The following GRID2 variants were observed in gnomAD, a reference collection of about 807,000 sequenced individuals.
GRID2 encodes glutamate ionotropic receptor delta type subunit 2, also known as glutamate receptor ionotropic, delta-2.
GRID2 carries 33 observed loss-of-function variants against 114.8 expected under a neutral mutation model. The ratio of observed to expected loss-of-function variants is 0.29; its 90% CI spans 0.22 to 0.38. GRID2 has a LOEUF of 0.38. Ranked by LOEUF, GRID2 falls within the 10% of genes least tolerant of loss-of-function variation. The pLI is 1.00. For missense variants in GRID2, 1,184 were observed against 1,257.7 expected, an observed-to-expected ratio of 0.94 and a Z score of 0.89; for synonymous variants, 505 against 449.9, an observed-to-expected ratio of 1.12 and a Z score of -1.55.
intron 2 of GRID2, among the ~76,000 whole-genome samples, chr4:92,952,835 T>G (rs1213178842): frequency 6.6e-6 from 1 of 152,190 alleles, no homozygotes; most frequent in Non-Finnish European, 1.5e-5. Context: ...ATATCACAAA[T>G]GGAGTGGCTT....
intron 4 of GRID2, among the ~76,000 whole-genome samples, chr4:93,142,490 C>G (rs2149387605): frequency 6.6e-6 from 1 of 152,218 alleles, no homozygotes; most frequent in East Asian, 1.9e-4. Flanking sequence ...AAGTACACTA[C>G]ACCAAATAAT....
intron 14 of GRID2, among the ~76,000 whole-genome samples, chr4:93,656,853 A>C (rs1465476369): frequency 6.7e-6 from 1 of 148,242 alleles, no homozygotes; most frequent in Non-Finnish European, 1.5e-5. Context: ...AAAAAAAAAA[A>C]AAAACAAATA....
chr4:92,478,752 C>A (rs1351356794), intron 1 of GRID2, among the ~76,000 whole-genome samples: 1 of 151,920 alleles, frequency 6.6e-6, no homozygotes, highest in African/African-American at 2.4e-5. Context: ...TATGGTTTTC[C>A]ATCTTGTTTC....
chr4:93,650,649 A>C (rs949287666), intron 14 of GRID2, among the ~76,000 whole-genome samples: 4 of 152,148 alleles, frequency 2.6e-5, no homozygotes, highest in African/African-American at 9.7e-5. Context: ...TGCTTTTTAG[A>C]TTCCTTACAC....
chr4:93,436,000 T>G (rs888606533), intron 10 of GRID2, among the ~76,000 whole-genome samples: 4 of 80,126 alleles, frequency 5.0e-5, no homozygotes, highest in African/African-American at 2.4e-4. Context: ...CCTTCCCCAT[T>G]TCTTAAAAAA....
Position 93,271,534 on chromosome 4 carries a change from A to T in GRID2, c.1245+33044A>T, listed in dbSNP as rs575020893. Among the ~76,000 whole-genome samples, 20 of 152,302 alleles carry T rather than the reference A, an allele frequency of 1.3e-4. No individual in the cohort carries two copies. In the East Asian group the frequency reaches 3.9e-3, roughly 29 times the overall value. On this transcript the variant is annotated intron_variant, in intron 8 of 15. Coordinates refer to ENST00000282020, the MANE Select transcript of GRID2 (RefSeq NM_001510.4). ...CAGCTGTAGATTTCCCACCTGCAAA[A>T]GGCCCAGATTAGAGGAGGGTAGAAG...
At chr4:93,294,281 T>C (rs1381437989) in intron 8 of GRID2, among the ~76,000 whole-genome samples, 1 of 151,860 alleles carries the variant, frequency 6.6e-6, no homozygotes, top group Non-Finnish European at 1.5e-5. Flanking sequence ...AAATCAGCAG[T>C]GGAGGTGATC....
chr4:93,144,856 G>A (rs1009591350), intron 4 of GRID2, among the ~76,000 whole-genome samples: 1 of 152,080 alleles, frequency 6.6e-6, no homozygotes, highest in Non-Finnish European at 1.5e-5. Flanking sequence ...CCCATAAAAA[G>A]CAACATTAAT....
At chr4:92,889,022 T>C (rs1746563434) in intron 2 of GRID2, among the ~76,000 whole-genome samples, 1 of 152,144 alleles carries the variant, frequency 6.6e-6, no homozygotes. Context: ...GAAACTGTTG[T>C]TGTTGTACTG....
intron 1 of GRID2, among the ~76,000 whole-genome samples, chr4:92,334,734 A>G (rs1727076848): frequency 6.6e-6 from 1 of 152,220 alleles, no homozygotes; most frequent in African/African-American, 2.4e-5. Flanking sequence ...TAAGATTCCA[A>G]CACATAAATT....
intron 2 of GRID2, among the ~76,000 whole-genome samples, chr4:92,941,817 T>C (rs1359812058): frequency 1.3e-5 from 2 of 152,208 alleles, no homozygotes; most frequent in Admixed American, 6.5e-5. Context: ...TGCGTTCATT[T>C]TTTTGTGTAC....
chr4:92,542,552 G>C (rs894687599), intron 1 of GRID2, among the ~76,000 whole-genome samples: 4 of 151,896 alleles, frequency 2.6e-5, no homozygotes, highest in Admixed American at 2.0e-4. Context: ...AACATCGTAT[G>C]TTCTCACTTA....
intron 8 of GRID2, among the ~76,000 whole-genome samples, chr4:93,391,033 C>T (rs1004993494): frequency 5.3e-5 from 8 of 152,048 alleles, no homozygotes; most frequent in Non-Finnish European, 1.0e-4. Context: ...GAAGGAAGCT[C>T]AAGTGCTAAG....
chr4:93,077,877 A>G (rs1729477224), intron 2 of GRID2, among the ~76,000 whole-genome samples: 1 of 152,232 alleles, frequency 6.6e-6, no homozygotes, highest in Non-Finnish European at 1.5e-5. Flanking sequence ...TGACAATTTC[A>G]TTGTATATAA....
intron 8 of GRID2, among the ~76,000 whole-genome samples, chr4:93,286,526 C>T (rs1753168518): frequency 6.6e-6 from 1 of 152,082 alleles, no homozygotes; most frequent in African/African-American, 2.4e-5. Context: ...CTCCTGGGAG[C>T]TTCCTTGCCA....
intron 2 of GRID2, among the ~76,000 whole-genome samples, chr4:92,941,933 A>G (rs2149537273): frequency 6.6e-6 from 1 of 152,186 alleles, no homozygotes; most frequent in African/African-American, 2.4e-5. Flanking sequence ...GGTCTGAGAG[A>G]CAGTTTGTTA....
intron 8 of GRID2, among the ~76,000 whole-genome samples, chr4:93,250,800 TAGAA>T (rs928529866): frequency 2.0e-5 from 3 of 149,806 alleles, no homozygotes; most frequent in African/African-American, 7.3e-5. Context: ...TATATATACA[TAGAA>T]AGAGAGAGAA....
rs548602645 is a variant in GRID2, at chr4:93,186,595, TTTTTG to T, written c.736-20794_736-20790del. Among the ~76,000 whole-genome samples the T allele has an allele frequency of 2.2e-4, 33 of 152,260 alleles. No homozygotes were observed. In the South Asian group the frequency reaches 6.8e-3, roughly 32 times the overall value. On this transcript the variant is annotated intron_variant, in intron 4 of 15. Transcript: ENST00000282020. Reference sequence around the variant, plus strand: ...CCCACTCTAGCGAAGCAACCTTCAATTTTTGTTTTGTTTTGTTTTAGCTACTTTTG... The same window carrying T: ...CCCACTCTAGCGAAGCAACCTTCAATTTTTGTTTTGTTTTAGCTACTTTTG...
At chr4:92,855,681 A>G (rs1030483849) in intron 2 of GRID2, among the ~76,000 whole-genome samples, 12 of 152,090 alleles carry the variant, frequency 7.9e-5, no homozygotes, top group African/African-American at 2.4e-4. Flanking sequence ...AAAAATAACC[A>G]TTGTTGTTTA....
Sources: allele counts gnomAD v4.1 joint callset (sites outside exome capture counted in the v4.1 genomes callset), GRCh38; gene constraint gnomAD v4.1.1; transcripts MANE v1.5; gene names NCBI Gene and HGNC (gene_info 2026-07-23, HGNC 2026-07-21).